The following PHF24 variants were observed in gnomAD, a reference collection of about 807,000 sequenced individuals.
The protein encoded by PHF24 is PHD finger protein 24.
In PHF24, 25 loss-of-function variants were observed where a neutral mutation model predicts 42.6. That is an observed-to-expected ratio of 0.59 (90% CI 0.43 to 0.82). The LOEUF (loss-of-function observed/expected upper bound fraction) is 0.82, where lower values mean the gene tolerates loss of function less well. PHF24 is among the 40% of genes least tolerant of loss of function. The pLI is 0.00. For synonymous variants in PHF24, 185 were observed against 204.8 expected, an observed-to-expected ratio of 0.90 and a Z score of 0.83; for missense variants, 470 against 538.1, an observed-to-expected ratio of 0.87 and a Z score of 1.25.
the PHF24 span, among the ~76,000 whole-genome samples, chr9:34,934,733 T>C: frequency 6.6e-6 from 1 of 152,168 alleles, no homozygotes; most frequent in Non-Finnish European, 1.5e-5. Context: ...GGAGCTCCAG[T>C]AATGCTCAGG....
the PHF24 span, among the ~76,000 whole-genome samples, chr9:34,695,076 C>T: frequency 6.6e-6 from 1 of 152,140 alleles, no homozygotes; most frequent in African/African-American, 2.4e-5. Flanking sequence ...GGGAGCTAGT[C>T]AGCAGAAGAA....
chr9:34,842,403 G>A, the PHF24 span, among the ~76,000 whole-genome samples: 1 of 152,188 alleles, frequency 6.6e-6, no homozygotes, highest in African/African-American at 2.4e-5. Context: ...GTTTGAATGT[G>A]TGTGTCCCTC....
At chr9:34,856,678 C>T in the PHF24 span, among the ~76,000 whole-genome samples, 1 of 152,180 alleles carries the variant, frequency 6.6e-6, no homozygotes, top group African/African-American at 2.4e-5. Context: ...CAGGGGGGCA[C>T]CAACCTAATG....
At chr9:34,959,059 C>T (rs563510336) in intron 1 of PHF24, among the ~76,000 whole-genome samples, 1 of 152,216 alleles carries the variant, frequency 6.6e-6, no homozygotes, top group African/African-American at 2.4e-5. Flanking sequence ...TCGGATTTTT[C>T]TTCTCCATGG....
the PHF24 span, among the ~76,000 whole-genome samples, chr9:34,788,743 G>A: frequency 6.6e-6 from 1 of 152,158 alleles, no homozygotes; most frequent in African/African-American, 2.4e-5. Flanking sequence ...TGAGGAAAGG[G>A]AGGTCTAGAA....
At chr9:34,959,392 A>T (rs954990822) in intron 1 of PHF24, among the ~76,000 whole-genome samples, 8 of 152,216 alleles carry the variant, frequency 5.3e-5, no homozygotes, top group Admixed American at 1.3e-4. Context: ...CCTTTTAAAC[A>T]TTGAGACTCA....
the PHF24 span, among the ~76,000 whole-genome samples, chr9:34,792,083 G>A: frequency 9.9e-5 from 15 of 152,252 alleles, no homozygotes; most frequent in South Asian, 3.1e-3. Flanking sequence ...AAGATGATGA[G>A]GAGATTATTT....
the PHF24 span, among the ~76,000 whole-genome samples, chr9:34,717,495 A>C: frequency 5.4e-4 from 82 of 151,964 alleles, no homozygotes; most frequent in East Asian, 0.016. Flanking sequence ...GGGGGCCCTC[A>C]GGGAGATGGG....
chr9:34,778,571 T>A, the PHF24 span, among the ~76,000 whole-genome samples: 26 of 152,220 alleles, frequency 1.7e-4, no homozygotes, highest in African/African-American at 6.0e-4. Flanking sequence ...CAGGAAGATG[T>A]AACACATATA....
intron 4 of PHF24, 139 bp from the exon 5 acceptor site, chr9:34,976,396 C>A: frequency 9.6e-7 from 1 of 1,037,790 alleles, no homozygotes; most frequent in Non-Finnish European, 1.4e-6. Flanking sequence ...CCTGTCACAG[C>A]CTGGGTGACC....
the PHF24 span, among the ~76,000 whole-genome samples, chr9:34,789,677 T>C: frequency 1.3e-5 from 2 of 152,198 alleles, no homozygotes; most frequent in Non-Finnish European, 2.9e-5. Flanking sequence ...GGGTTTCTTA[T>C]GTGTGAAGTA....
chr9:34,747,748 G>A, the PHF24 span, among the ~76,000 whole-genome samples: 1 of 152,172 alleles, frequency 6.6e-6, no homozygotes, highest in African/African-American at 2.4e-5. Flanking sequence ...GCAGGATCTG[G>A]TAAAGCTGAA....
the PHF24 span, among the ~76,000 whole-genome samples, chr9:34,909,049 C>T: frequency 2.0e-5 from 3 of 151,486 alleles, no homozygotes; most frequent in Non-Finnish European, 2.9e-5. Flanking sequence ...GGGGTTTCAC[C>T]ATGTTGGTCA....
At chr9:34,945,387 G>A in the PHF24 span, among the ~76,000 whole-genome samples, 17 of 152,218 alleles carry the variant, frequency 1.1e-4, no homozygotes, top group East Asian at 2.5e-3. Context: ...GGAAAATAGA[G>A]GGAATCAGAG....
the PHF24 span, among the ~76,000 whole-genome samples, chr9:34,885,235 C>T: frequency 1.3e-5 from 2 of 152,194 alleles, no homozygotes; most frequent in South Asian, 2.1e-4. Context: ...AGGGACTGGG[C>T]CCCCATCCCT....
At chr9:34,673,547 T>G in the PHF24 span, among the ~76,000 whole-genome samples, 1 of 150,316 alleles carries the variant, frequency 6.7e-6, no homozygotes, top group Non-Finnish European at 1.5e-5. Flanking sequence ...CTCGGCTCAC[T>G]GCAACCTCCA....
At chr9:34,889,152 G>A in the PHF24 span, 11 of 398,502 alleles carry the variant, frequency 2.8e-5, no homozygotes, top group East Asian at 3.6e-4. Flanking sequence ...TTTTTCAGGG[G>A]ATTGCAGAGG....
the PHF24 span, among the ~76,000 whole-genome samples, chr9:34,667,390 G>T: frequency 6.6e-6 from 1 of 152,180 alleles, no homozygotes; most frequent in East Asian, 1.9e-4. Flanking sequence ...AGATCCATGG[G>T]TGCTAGGTGG....
chr9:34,747,945 T>A, the PHF24 span, among the ~76,000 whole-genome samples: 179 of 152,322 alleles, frequency 1.2e-3, no homozygotes, highest in African/African-American at 4.2e-3. Context: ...TGTGACATAT[T>A]CATATAATGA....
Sources: allele counts gnomAD v4.1 joint callset (sites outside exome capture counted in the v4.1 genomes callset), GRCh38; gene constraint gnomAD v4.1.1; transcripts MANE v1.5; gene names NCBI Gene and HGNC (gene_info 2026-07-23, HGNC 2026-07-21).